The following WDR72 variants were observed in gnomAD, a reference collection of about 807,000 sequenced individuals.
WDR72 encodes the protein WD repeat domain 72.
In WDR72, 120 loss-of-function variants were observed where a neutral mutation model predicts 124.2. That is an observed-to-expected ratio of 0.97 (90% CI 0.83 to 1.12). WDR72 has a LOEUF of 1.12. Ranked by LOEUF, WDR72 falls within the 50% of genes most tolerant of loss-of-function variation. The probability of loss-of-function intolerance (pLI) is 0.00; values close to 1 mark genes in which losing one functional copy is unlikely to be tolerated. For synonymous variants in WDR72, 452 were observed against 441.7 expected (o/e 1.02, Z -0.29); for missense variants, 1,387 against 1,278.8 (o/e 1.08, Z -1.29).
chr15:53,665,491 G>A (rs2015745835), intron 14 of WDR72, 81 bp downstream of exon 14: 3 of 1,473,456 alleles, frequency 2.0e-6, no homozygotes, highest in Admixed American at 3.4e-5. Flanking sequence ...TGATACTTAA[G>A]TGCCATGTAT....
chr15:53,661,401 T>C lies in WDR72; in HGVS notation c.1962+4171A>G, dbSNP rs118120057. Among the ~76,000 whole-genome samples, 1,380 of 152,236 alleles carry C rather than the reference T, an allele frequency of 9.1e-3. 8 individuals carry two copies. Among genetic ancestry groups the C allele is most frequent in the Middle Eastern group, 0.02 (6 of 294 alleles). ...GAGAGACAGGAGAGGGAGGAGCTCT[T>C]ATTAGCATCCAATGCTCCTGGAAAC... On this transcript the variant is annotated intron_variant, in intron 14 of 19. Transcript: ENST00000360509.
chr15:53,665,672 G>A lies in WDR72; in HGVS notation c.1862C>T (p.Ser621Leu), dbSNP rs748597704. ...TATACTTTTGTGCTTAAGTGTCTCT[G>A]AGGCAATGGGAAGTACAGACTTCAC... ...QLVKSVLPIASETLKHKSIEQ... is the reference protein window; with the variant it reads ...QLVKSVLPIALETLKHKSIEQ... The change falls in exon 14 of 20, where the codon TCA becomes TTA. Residue 621 changes from serine (S) to leucine (L), a missense_variant. Transcript: ENST00000360509. 10 of 1,613,794 alleles carry A rather than the reference G, an allele frequency of 6.2e-6. No individual in the cohort carries two copies. The highest frequency in any genetic ancestry group is 8.5e-6 in the Non-Finnish European group (10 of 1,179,896).
intron 18 of WDR72, among the ~76,000 whole-genome samples, chr15:53,548,304 G>C (rs1893576638): frequency 6.6e-6 from 1 of 152,214 alleles, no homozygotes; most frequent in African/African-American, 2.4e-5. Flanking sequence ...AGGTAGAAGA[G>C]AAATAGCCAG....
intron 14 of WDR72, among the ~76,000 whole-genome samples, chr15:53,659,036 G>C (rs2015521424): frequency 6.6e-6 from 1 of 152,134 alleles, no homozygotes; most frequent in African/African-American, 2.4e-5. Flanking sequence ...TTGTCAAGTG[G>C]ACCATAAGTA....
chr15:53,749,744 G>C (rs2140893308), intron 1 of WDR72, among the ~76,000 whole-genome samples: 1 of 152,320 alleles, frequency 6.6e-6, no homozygotes, highest in South Asian at 2.1e-4. Flanking sequence ...TGCTACTACA[G>C]TGAATACATG....
At position 53,589,566 on chromosome 15, in the gene WDR72, C is replaced by T. The variant is rs1358807629; in HGVS notation, c.3148+7513G>A. Among the ~76,000 whole-genome samples, 6 of 149,834 alleles carry T rather than the reference C, an allele frequency of 4.0e-5. No individual in the cohort carries two copies. In the South Asian group the frequency reaches 8.3e-4, roughly 21 times the overall value. On this transcript the variant is annotated intron_variant, in intron 18 of 19. Transcript: ENST00000360509. ...AGTGTCGGGAGGTCAGTCTCAGCTT[C>T]GGAAACAATAGTGCAAAACACATTG... is the stretch of plus-strand genomic sequence containing the variant.
intron 18 of WDR72, among the ~76,000 whole-genome samples, chr15:53,579,049 T>C (rs1374378741): frequency 6.6e-6 from 1 of 152,110 alleles, no homozygotes; most frequent in Non-Finnish European, 1.5e-5. Flanking sequence ...TGCTGGACTG[T>C]TGCATGGACT....
At chr15:53,621,700 T>C (rs979334057) in intron 14 of WDR72, among the ~76,000 whole-genome samples, 2 of 151,946 alleles carry the variant, frequency 1.3e-5, no homozygotes, top group Non-Finnish European at 2.9e-5. Flanking sequence ...GTATAGCTCT[T>C]GGGTGATGGG....
At chr15:53,650,356 G>C (rs2015188843) in intron 14 of WDR72, among the ~76,000 whole-genome samples, 1 of 152,160 alleles carries the variant, frequency 6.6e-6, no homozygotes, top group African/African-American at 2.4e-5. Context: ...GTACAACACT[G>C]TACCTAGAGT....
rs548680042 is a variant in WDR72, at chr15:53,613,812, G to A, written c.2781-55C>T. On this transcript the variant is annotated intron_variant, in intron 15 of 19. Coordinates refer to ENST00000360509, the MANE Select transcript of WDR72 (RefSeq NM_182758.4). The stretch of plus-strand genomic sequence containing the variant: ...CTAAAAAGCATGAAAAATTATTTGA[G>A]GAAATAAATCAAAGATATGGGTACA... The A allele has an allele frequency of 6.3e-6, 8 of 1,276,736 alleles. No individual in the cohort carries two copies. The Admixed American group carries it at 6.8e-5, about 11-fold the overall frequency. 79.1% of individuals were successfully genotyped at this position (1,276,736 alleles called of 1,614,324 possible). A position where few individuals can be genotyped will look rare whatever the true frequency, so the allele number is the denominator to read the frequency against.
At chr15:53,670,163 ATTAT>A (rs938394207) in intron 13 of WDR72, among the ~76,000 whole-genome samples, 7 of 152,064 alleles carry the variant, frequency 4.6e-5, no homozygotes, top group Admixed American at 2.0e-4. Context: ...GTATTTTTCT[ATTAT>A]TTATTTAATA....
chr15:53,517,712 CA>C lies in WDR72; in HGVS notation c.3295del (p.Cys1099AlafsTer13). 6.2e-7 allele frequency: 1 copy of C among 1,612,876 alleles called. No homozygotes were observed. Among genetic ancestry groups the C allele is most frequent in the African/African-American group, 1.3e-5 (1 of 74,952 alleles). On this transcript the variant is annotated frameshift_variant, in exon 20 of 20. Coordinates refer to ENST00000360509, the MANE Select transcript of WDR72 (RefSeq NM_182758.4). LOFTEE classifies it high-confidence loss of function. ...HHSWIAKVCP[C>X]KVS is the part of the protein sequence containing the mutation. ...ATGAGATTCCATTTAAGACACCTTG[CA>C]GGGGCAGACCTTTGCTATCCATGAA...
chr15:53,627,458 A>G (rs532050055), intron 14 of WDR72, among the ~76,000 whole-genome samples: 1 of 152,360 alleles, frequency 6.6e-6, no homozygotes, highest in Admixed American at 6.5e-5. Flanking sequence ...GTAGATAGCA[A>G]ATACTGTTAA....
In WDR72 at chr15:53,609,562, T is replaced by A; in HGVS notation, c.2903A>T (p.Asp968Val). ...GKNESHVPEA[D>V]LSLLKLISCW... ...GGAAATTAGCTTCAAAAGTGAAAGG[T>A]CAGCCTCAGGTACATGGGATTCATT... Residue 968 changes from aspartate (D) to valine (V), a missense_variant, in exon 17 of 20, where the codon GAC (aspartate) becomes GTC (valine). Physicochemically the swap from Asp to Val is radical, Grantham distance 152. Transcript: ENST00000360509. The A allele has an allele frequency of 1.2e-6, 2 of 1,613,532 alleles. No individual in the cohort carries two copies. Among genetic ancestry groups the A allele is most frequent in the Non-Finnish European group, 1.7e-6 (2 of 1,179,646 alleles).
chr15:53,657,745 A>T (rs1595825250), intron 14 of WDR72, among the ~76,000 whole-genome samples: 1 of 152,204 alleles, frequency 6.6e-6, no homozygotes, highest in Non-Finnish European at 1.5e-5. Flanking sequence ...TGGAAGAGAG[A>T]ACATTTTTTG....
chr15:53,747,952 C>T (rs933665604), intron 1 of WDR72, among the ~76,000 whole-genome samples: 2 of 151,186 alleles, frequency 1.3e-5, no homozygotes, highest in African/African-American at 2.4e-5. Flanking sequence ...TAGCTTATAC[C>T]ACATTTAACC....
At chr15:53,682,472 A>C (rs2016426882) in intron 13 of WDR72, among the ~76,000 whole-genome samples, 1 of 152,256 alleles carries the variant, frequency 6.6e-6, no homozygotes, top group South Asian at 2.1e-4. Context: ...ATTTGGTTCA[A>C]AGTAAGGTCA....
At position 53,754,675 on chromosome 15, in the gene WDR72, C is replaced by T. The variant is rs575986481; in HGVS notation, c.-13+4958G>A. Reference sequence around the variant, plus strand: ...ACTAGCAAGAAACTACCTGGTAATACCTTGTTTGTATTTCTTGGAGGAGGG... The same window carrying T: ...ACTAGCAAGAAACTACCTGGTAATATCTTGTTTGTATTTCTTGGAGGAGGG... On this transcript the variant is annotated intron_variant, in intron 1 of 19. Transcript: ENST00000360509. Among the ~76,000 whole-genome samples, 14 of 152,212 alleles carry T rather than the reference C, an allele frequency of 9.2e-5. 1 individual carries two copies. The highest frequency in any genetic ancestry group is 3.4e-4 in the African/African-American group (14 of 41,534).
chr15:53,608,912 A>G (rs1566981587), intron 17 of WDR72, among the ~76,000 whole-genome samples: 2 of 152,046 alleles, frequency 1.3e-5, no homozygotes, highest in African/African-American at 4.8e-5. Flanking sequence ...TGTTAGAAAG[A>G]ATGAATAATA....
Sources: gnomAD v4.1 joint callset for allele counts (sites outside exome capture counted in the v4.1 genomes callset) on GRCh38, gnomAD v4.1.1 for gene constraint, MANE v1.5 for transcripts, NCBI Gene and HGNC (gene_info 2026-07-23, HGNC 2026-07-21) for gene names.